Variants in NUP210L observed in about 807,000 individuals in gnomAD.
NUP210L encodes the protein nucleoporin 210 like.
NUP210L carries 74 observed loss-of-function variants against 208.5 expected under a neutral mutation model. The observed-to-expected ratio is 0.35, with a 90% CI of 0.29 to 0.43. NUP210L has a LOEUF of 0.43. Among genes scored for constraint, NUP210L ranks in the 20% least tolerant of loss-of-function variants. The probability of loss-of-function intolerance (pLI) is 1.00; values close to 1 mark genes in which losing one functional copy is unlikely to be tolerated. For synonymous variants in NUP210L, 780 were observed against 816.9 expected (o/e 0.95, Z 0.77); for missense variants, 1,843 against 2,289.4 (o/e 0.81, Z 3.98).
chr1:153,996,054 A>T (rs772823280), intron 37 of NUP210L: 2 of 337,006 alleles, frequency 5.9e-6, no homozygotes, highest in African/African-American at 2.1e-5. Flanking sequence ...GCATTTTGGG[A>T]GGCCAAGGCG....
intron 25 of NUP210L, among the ~76,000 whole-genome samples, chr1:154,051,128 T>C (rs1380382070): frequency 1.3e-5 from 2 of 152,226 alleles, no homozygotes; most frequent in Non-Finnish European, 2.9e-5. Flanking sequence ...TTAGGGCTCA[T>C]GTAACTCTTC....
intron 27 of NUP210L, among the ~76,000 whole-genome samples, chr1:154,042,743 C>T (rs1652956651): frequency 6.6e-6 from 1 of 150,840 alleles, no homozygotes; most frequent in Non-Finnish European, 1.5e-5. Context: ...TTTCTTGAGA[C>T]AAGGTCTCAC....
At chr1:154,136,320 C>T (rs1311745662) in intron 6 of NUP210L, among the ~76,000 whole-genome samples, 1 of 151,904 alleles carries the variant, frequency 6.6e-6, no homozygotes, top group African/African-American at 2.4e-5. Context: ...GGCGTGATGG[C>T]GTGTGCCTGT....
intron 7 of NUP210L, among the ~76,000 whole-genome samples, chr1:154,135,367 CTT>C (rs1172997344): frequency 6.6e-6 from 1 of 151,988 alleles, no homozygotes; most frequent in African/African-American, 2.4e-5. Context: ...ACAGTAATAA[CTT>C]ATAATTCTTT....
intron 25 of NUP210L, among the ~76,000 whole-genome samples, chr1:154,047,524 G>A (rs1653251766): frequency 6.6e-6 from 1 of 152,194 alleles, no homozygotes. Context: ...CACTCAGGGT[G>A]GAAAACTGCC....
At chr1:154,089,692 G>T in intron 15 of NUP210L, 98 bp from the exon 16 acceptor site, 1 of 967,492 alleles carries the variant, frequency 1.0e-6, no homozygotes, top group Admixed American at 2.0e-5. Flanking sequence ...TTCCAGTATA[G>T]AGAGTCCCTT....
chr1:154,109,743 A>G (rs1256755985), intron 12 of NUP210L, among the ~76,000 whole-genome samples: 1 of 151,712 alleles, frequency 6.6e-6, no homozygotes, highest in Non-Finnish European at 1.5e-5. Flanking sequence ...CAGTAACAAG[A>G]GGAATTTTGG....
chr1:154,134,423 CTTTT>C (rs375962653), intron 7 of NUP210L, among the ~76,000 whole-genome samples: 1 of 129,768 alleles, frequency 7.7e-6, no homozygotes. Context: ...CTCCGTGTAC[CTTTT>C]TTTTTTTTTT....
intron 13 of NUP210L, among the ~76,000 whole-genome samples, chr1:154,100,617 C>G (rs1236282975): frequency 7.2e-6 from 1 of 139,232 alleles, no homozygotes; most frequent in African/African-American, 2.7e-5. Context: ...CTCCTGGTTT[C>G]AAGCGATTCT....
intron 33 of NUP210L, among the ~76,000 whole-genome samples, chr1:154,018,663 G>C (rs1367610474): frequency 6.6e-6 from 1 of 152,124 alleles, no homozygotes; most frequent in Non-Finnish European, 1.5e-5. Flanking sequence ...TACCGCAGTA[G>C]ACTCCCAAAT....
intron 2 of NUP210L, among the ~76,000 whole-genome samples, chr1:154,150,618 C>T (rs1484433789): frequency 1.3e-5 from 2 of 150,108 alleles, no homozygotes; most frequent in Non-Finnish European, 3.0e-5. Flanking sequence ...GTCCCAGCTA[C>T]TCAGGAGGCT....
chr1:154,101,229 A>G lies in NUP210L; in HGVS notation c.1820-1086T>C, dbSNP rs2148064344. ...GGCGGTGGCTCATGCCTGTAATCCC[A>G]GCACTTTGGGAGGCTAAAGCAGGTG... On this transcript the variant is annotated intron_variant, in intron 13 of 39. Transcript: ENST00000368559. Among the ~76,000 whole-genome samples the G allele has an allele frequency of 2.7e-5, 4 of 150,562 alleles. No individual in the cohort carries two copies. In the East Asian group the frequency reaches 7.8e-4, roughly 29 times the overall value.
At position 154,076,032 on chromosome 1, in the gene NUP210L, G is replaced by A. The variant is rs367871979; in HGVS notation, c.2362-5567C>T. 3.6e-4 allele frequency among the ~76,000 whole-genome samples: 55 copies of A among 151,222 alleles called. 1 individual carries two copies. In the South Asian group the frequency reaches 6.5e-3, roughly 18 times the overall value. On this transcript the variant is annotated intron_variant, in intron 16 of 39. Transcript: ENST00000368559. ...TCGAATTCCTGGACTCAAAGGATCC[G>A]TCCACCTCAGGCTCCCAGAGTGCTG...
At chr1:154,025,553 T>C in exon 30 of NUP210L, 1 of 1,609,254 alleles carries the variant, frequency 6.2e-7, no homozygotes, top group Non-Finnish European at 8.5e-7. Flanking sequence ...TGGACCCCAG[T>C]TATGGTTGTT....
intron 4 of NUP210L, among the ~76,000 whole-genome samples, chr1:154,140,691 G>C (rs372582724): frequency 7.4e-6 from 1 of 134,880 alleles, no homozygotes; most frequent in African/African-American, 2.7e-5. Context: ...AAAAAGAAAA[G>C]AAAAAGAAAA....
intron 15 of NUP210L, among the ~76,000 whole-genome samples, chr1:154,090,909 C>T (rs1047967234): frequency 4.0e-5 from 6 of 151,366 alleles, no homozygotes; most frequent in Admixed American, 2.6e-4. Flanking sequence ...TAAAATGGTA[C>T]AGCTGCTGTG....
chr1:154,075,116 T>C (rs116791355), intron 16 of NUP210L, among the ~76,000 whole-genome samples: 147 of 152,334 alleles, frequency 9.6e-4, no homozygotes, highest in Non-Finnish European at 1.7e-3. Flanking sequence ...TGGAATCAAC[T>C]AGTTCTCCAA....
rs561709906 is a variant in NUP210L at position 154,042,825 on chromosome 1, C to T, written c.3696+3244G>A. On this transcript the variant is annotated intron_variant, in intron 27 of 39. Transcript: ENST00000368559. ...CTCTTGGGTTCAAGGAATCCTCTTGCCTCAGCCTCCTGAGTAGCTGGGATT... is the reference window on the plus strand; with the variant it reads ...CTCTTGGGTTCAAGGAATCCTCTTGTCTCAGCCTCCTGAGTAGCTGGGATT... Among the ~76,000 whole-genome samples the T allele has an allele frequency of 2.6e-5, 4 of 151,930 alleles. No homozygotes were observed. The South Asian group carries it at 8.3e-4, about 32-fold the overall frequency.
At chr1:154,010,184 A>G in intron 34 of NUP210L, 63 bp from the exon 35 acceptor site, 1 of 1,507,382 alleles carries the variant, frequency 6.6e-7, no homozygotes, top group Non-Finnish European at 9.0e-7. Flanking sequence ...AAGAGAGACC[A>G]TTATATGGAG....
Sources: gnomAD v4.1 joint callset for allele counts (sites outside exome capture counted in the v4.1 genomes callset) on GRCh38, gnomAD v4.1.1 for gene constraint, MANE v1.5 for transcripts, NCBI Gene and HGNC (gene_info 2026-07-23, HGNC 2026-07-21) for gene names.